Variants in THAP6 observed in about 807,000 individuals in gnomAD.
THAP6 encodes the protein THAP domain containing 6, also known as THAP domain-containing protein 6.
In THAP6, 13 loss-of-function variants were observed where a neutral mutation model predicts 20.0. The ratio of observed to expected loss-of-function variants is 0.65; its 90% CI spans 0.42 to 1.03. The LOEUF (loss-of-function observed/expected upper bound fraction) is 1.03. Among genes scored for constraint, THAP6 ranks in the 50% least tolerant of loss-of-function variants. The pLI, the probability that THAP6 is intolerant of heterozygous loss-of-function variation, is 0.00. For synonymous variants in THAP6, 93 were observed against 92.2 expected, an observed-to-expected ratio of 1.01 and a Z score of -0.05; for missense variants, 262 against 261.6, an observed-to-expected ratio of 1.00 and a Z score of -0.01.
downstream of THAP6, among the ~76,000 whole-genome samples, chr4:75,530,884 C>T (rs1726660592): frequency 6.6e-6 from 1 of 152,100 alleles, no homozygotes; most frequent in Non-Finnish European, 1.5e-5. Flanking sequence ...CTAAATTTTG[C>T]AGGGGACAGA....
intron 2 of THAP6, among the ~76,000 whole-genome samples, chr4:75,542,022 T>C (rs781743556): frequency 3.4e-4 from 51 of 152,208 alleles, no homozygotes; most frequent in Non-Finnish European, 1.3e-4. Context: ...TTGTTATCAT[T>C]ACCTTCATCA....
chr4:75,538,127 G>C (rs1320462552), intron 2 of THAP6, among the ~76,000 whole-genome samples: 2 of 152,204 alleles, frequency 1.3e-5, no homozygotes, highest in Non-Finnish European at 2.9e-5. Flanking sequence ...GGAAAGACTG[G>C]TTCTAGCTTG....
intron 3 of THAP6, chr4:75,543,125 C>T (rs944648092): frequency 6.6e-6 from 1 of 152,270 alleles, no homozygotes; most frequent in Non-Finnish European, 1.5e-5. Flanking sequence ...AAAGATTGGT[C>T]CTGATCTCTG....
At position 75,528,405 on chromosome 4, in the gene THAP6, A is replaced by G. The variant is rs1726509446; in HGVS notation, c.*1191A>G. On this transcript the variant is annotated 3_prime_UTR_variant, in exon 5 of 5. Coordinates refer to ENST00000311638, the MANE Select transcript of THAP6 (RefSeq NM_144721.6). Reference sequence around the variant, plus strand: ...AAACCATTTGCCAAAGCAACACTCTACTTAGAAGCACATGTACATACATGG... The same window carrying G: ...AAACCATTTGCCAAAGCAACACTCTGCTTAGAAGCACATGTACATACATGG... 9.1e-6 allele frequency: 9 copies of G among 985,306 alleles called. No homozygotes were observed. The highest frequency in any genetic ancestry group is 6.1e-5 in the Admixed American group (1 of 16,264). The allele number at this position is 985,306 out of a possible 1,614,324, so 61.0% of individuals were successfully genotyped here. A position where few individuals can be genotyped will look rare whatever the true frequency, so the allele number is the denominator to read the frequency against.
intron 2 of THAP6, chr4:75,540,004 C>T (rs1237981606): frequency 6.6e-7 from 1 of 1,523,202 alleles, no homozygotes; most frequent in Non-Finnish European, 8.8e-7. Context: ...CTTGTGGCAG[C>T]TCAGAAGCAG....
chr4:75,521,412 A>G (rs1275388522), intron 3 of THAP6, among the ~76,000 whole-genome samples: 1 of 152,048 alleles, frequency 6.6e-6, no homozygotes, highest in African/African-American at 2.4e-5. Flanking sequence ...AAAGGCATCT[A>G]TCTACTTGAT....
chr4:75,519,722 C>G (rs200248267), intron 3 of THAP6, among the ~76,000 whole-genome samples: 13,370 of 151,756 alleles, frequency 0.088, 950 homozygotes, highest in African/African-American at 0.18. Flanking sequence ...TTAATCCAGT[C>G]TATCATTGTT....
At chr4:75,546,081 T>C (rs2148835590) in intron 3 of THAP6, among the ~76,000 whole-genome samples, 1 of 152,344 alleles carries the variant, frequency 6.6e-6, no homozygotes, top group Admixed American at 6.5e-5. Context: ...TGGTCTCAAT[T>C]TAAGCATCTG....
At chr4:75,532,446 C>A (rs116696089), downstream of THAP6, among the ~76,000 whole-genome samples, 693 of 152,316 alleles carry the variant, frequency 4.5e-3, 8 homozygotes, top group African/African-American at 0.016. Context: ...ATGTCTGTGA[C>A]TTTTCCAGGC....
chr4:75,541,394 C>T (rs903843196), intron 2 of THAP6, among the ~76,000 whole-genome samples: 2 of 152,136 alleles, frequency 1.3e-5, no homozygotes, highest in Admixed American at 6.5e-5. Flanking sequence ...AATAGTATCT[C>T]ACTTATATAA....
At chr4:75,536,567 C>A (rs1726861527) in intron 2 of THAP6, among the ~76,000 whole-genome samples, 1 of 152,168 alleles carries the variant, frequency 6.6e-6, no homozygotes, top group African/African-American at 2.4e-5. Flanking sequence ...CACTCTGTCT[C>A]CCAGACTGGT....
Position 75,527,859 on chromosome 4 carries a change from A to G in THAP6, c.*645A>G, listed in dbSNP as rs1342118598. 11 of 985,332 alleles carry G rather than the reference A, an allele frequency of 1.1e-5. No individual in the cohort carries two copies. The highest frequency in any genetic ancestry group is 7.0e-5 in the African/African-American group (4 of 57,230). The allele number at this position is 985,332 out of a possible 1,614,324, so 61.0% of individuals were successfully genotyped here. A position where few individuals can be genotyped will look rare whatever the true frequency, so the allele number is the denominator to read the frequency against. ...GTACAGTACATCATTCCTCCTCACT[A>G]GGAGCACTTTGATGTAAACCAGAAT... On this transcript the variant is annotated 3_prime_UTR_variant, in exon 5 of 5. Coordinates refer to ENST00000311638, the MANE Select transcript of THAP6 (RefSeq NM_144721.6).
intron 3 of THAP6, among the ~76,000 whole-genome samples, chr4:75,544,869 G>T (rs570500151): frequency 1.3e-5 from 2 of 152,018 alleles, no homozygotes; most frequent in East Asian, 3.9e-4. Flanking sequence ...TGAATTTTAA[G>T]GATACTATCA....
Position 75,537,711 on chromosome 4 carries a change from A to G in THAP6, c.166-4698A>G, listed in dbSNP as rs149027431. 3.9e-5 allele frequency among the ~76,000 whole-genome samples: 6 copies of G among 152,304 alleles called. No individual in the cohort carries two copies. The East Asian group carries it at 1.2e-3, about 29-fold the overall frequency. On this transcript the variant is annotated intron_variant, in intron 2 of 4. Transcript: ENST00000502620. ...AGATTTGATTAAATTAAGGATCTAAAATATGGAAAGATTATCCTGGATTCT... is the reference window on the plus strand; with the variant it reads ...AGATTTGATTAAATTAAGGATCTAAGATATGGAAAGATTATCCTGGATTCT...
chr4:75,526,204 C>T (rs745471729), intron 4 of THAP6, among the ~76,000 whole-genome samples: 5 of 152,138 alleles, frequency 3.3e-5, no homozygotes, highest in Admixed American at 2.6e-4. Flanking sequence ...CTGTCCTTGC[C>T]AAATATCCAT....
rs1373866581 is a variant in THAP6, at chr4:75,527,052, A to G, written c.507A>G (p.Leu169=). 3 of 1,614,028 alleles carry G rather than the reference A, an allele frequency of 1.9e-6. No individual in the cohort carries two copies. The South Asian group carries it at 3.3e-5, about 18-fold the overall frequency. ...IGELEDTKES[L]RNVLDREKRF... is the part of the protein sequence containing the mutation. ...AGCTAGAGGATACAAAGGAAAGTCTACGGAATGTTTTAGACCGAGAAAAAC... is the reference window on the plus strand; with the variant it reads ...AGCTAGAGGATACAAAGGAAAGTCTGCGGAATGTTTTAGACCGAGAAAAAC... The change falls in exon 5 of 5, where the codon CTA becomes CTG. Residue 169 remains leucine, a synonymous_variant. Transcript: ENST00000311638.
rs1726404660 is a variant in THAP6 at position 75,526,857 on chromosome 4, G to A, written c.415-103G>A. ...AAACCTCTATCACCAACTTAAAAAT[G>A]TTCTCCAGGCATTGTAAATGAAGAA... On this transcript the variant is annotated intron_variant, in intron 4 of 4. Transcript: ENST00000311638. The A allele has an allele frequency of 1.7e-5, 25 of 1,474,280 alleles. No individual in the cohort carries two copies. The South Asian group carries it at 3.6e-4, about 21-fold the overall frequency. 91.3% of individuals were successfully genotyped at this position (1,474,280 alleles called of 1,614,324 possible).
chr4:75,533,182 T>C (rs1225451815), downstream of THAP6, among the ~76,000 whole-genome samples: 1 of 152,222 alleles, frequency 6.6e-6, no homozygotes, highest in African/African-American at 2.4e-5. Context: ...TAGAAATTGC[T>C]TCCACCAGAT....
chr4:75,529,778 C>T lies in THAP6; in HGVS notation c.*2564C>T, dbSNP rs1726609282. 8 of 985,326 alleles carry T rather than the reference C, an allele frequency of 8.1e-6. No individual in the cohort carries two copies. The highest frequency in any genetic ancestry group is 9.6e-6 in the Non-Finnish European group (8 of 829,950). 61.0% of individuals were successfully genotyped at this position (985,326 alleles called of 1,614,324 possible). The stretch of plus-strand genomic sequence containing the variant: ...GAACACATTAATACAACAGTTCAAC[C>T]TCAGCACCAAGTCAGGTACGAAGCG... On this transcript the variant is annotated 3_prime_UTR_variant, in exon 5 of 5. Transcript: ENST00000311638.
Sources: gnomAD v4.1 joint callset for allele counts (sites outside exome capture counted in the v4.1 genomes callset) on GRCh38, gnomAD v4.1.1 for gene constraint, MANE v1.5 for transcripts, NCBI Gene and HGNC (gene_info 2026-07-23, HGNC 2026-07-21) for gene names.